The following AKR1A1 variants were observed in gnomAD, a reference collection of about 807,000 sequenced individuals.
The protein encoded by AKR1A1 is aldo-keto reductase family 1 member A1.
Under a neutral mutation model 39.2 loss-of-function variants are expected in AKR1A1, and 26 were observed. That is an observed-to-expected ratio of 0.66 (90% CI 0.49 to 0.92). AKR1A1 has a LOEUF of 0.92. Among genes scored for constraint, AKR1A1 ranks in the 40% least tolerant of loss-of-function variants. AKR1A1 has a pLI of 0.00. For missense variants in AKR1A1, 378 were observed against 406.5 expected (o/e 0.93, Z 0.60); for synonymous variants, 141 against 155.5 (o/e 0.91, Z 0.69).
In AKR1A1 at chr1:45,568,023, T is replaced by C. The variant is rs760458416; in HGVS notation, c.398T>C (p.Ile133Thr). Residue 133 changes from isoleucine to threonine, a missense_variant, in exon 5 of 9, where the codon ATA becomes ACA. Transcript: ENST00000351829. ...NPFPKNADGT[I>T]CYDSTHYKET... ...TTCCCCAAGAATGCTGATGGGACTATATGCTACGACTCCACCCACTACAAG... is the reference window on the plus strand; with the variant it reads ...TTCCCCAAGAATGCTGATGGGACTACATGCTACGACTCCACCCACTACAAG... The C allele has an allele frequency of 1.2e-6, 2 of 1,613,882 alleles. No homozygotes were observed. Among genetic ancestry groups the C allele is most frequent in the African/African-American group, 1.3e-5 (1 of 74,874 alleles).
At chr1:45,568,379 G>A in intron 5 of AKR1A1, 106 bp from the exon 6 acceptor site, 2 of 1,324,830 alleles carry the variant, frequency 1.5e-6, no homozygotes, top group Middle Eastern at 2.5e-4. Flanking sequence ...GGCTGAAGGG[G>A]AGTGGAGGAG....
chr1:45,561,117 C>G (rs944405942), intron 1 of AKR1A1, among the ~76,000 whole-genome samples: 33 of 152,264 alleles, frequency 2.2e-4, no homozygotes, highest in African/African-American at 7.5e-4. Context: ...GTTACCTGGT[C>G]TCTCTCTCAT....
chr1:45,553,358 G>T (rs1269715014), intron 1 of AKR1A1, among the ~76,000 whole-genome samples: 1 of 150,896 alleles, frequency 6.6e-6, no homozygotes, highest in Non-Finnish European at 1.5e-5. Context: ...GAAGGCGAAG[G>T]TTGTAGTGAG....
chr1:45,568,380 A>G, intron 5 of AKR1A1, 105 bp from the exon 6 acceptor site: 1 of 1,322,916 alleles, frequency 7.6e-7, no homozygotes, highest in Non-Finnish European at 1.1e-6. Flanking sequence ...GCTGAAGGGG[A>G]GTGGAGGAGT....
At chr1:45,568,417 CATGTCTGGG>C (rs957076657) in intron 5 of AKR1A1, 59 bp from the exon 6 acceptor site, 1 of 1,550,166 alleles carries the variant, frequency 6.5e-7, no homozygotes, top group African/African-American at 1.4e-5. Flanking sequence ...TCCAGACATG[CATGTCTGGG>C]ATGGGCCAAG....
intron 1 of AKR1A1, chr1:45,552,443 G>A (rs375029232): frequency 6.6e-6 from 1 of 152,080 alleles, no homozygotes; most frequent in Non-Finnish European, 1.5e-5. Flanking sequence ...CAGGTTTCAA[G>A]TGATCCTCCC....
chr1:45,562,046 G>C (rs1045378291), intron 2 of AKR1A1, among the ~76,000 whole-genome samples, 168 bp downstream of exon 2: 4 of 152,200 alleles, frequency 2.6e-5, no homozygotes, highest in Admixed American at 2.6e-4. Context: ...AGAGTGGGCT[G>C]AGGGGCCCAG....
chr1:45,556,273 T>C (rs981489344), intron 1 of AKR1A1, among the ~76,000 whole-genome samples: 1 of 152,140 alleles, frequency 6.6e-6, no homozygotes, highest in Non-Finnish European at 1.5e-5. Flanking sequence ...CATCTCTCTT[T>C]TACACTTGAA....
chr1:45,566,508 G>A, intron 2 of AKR1A1, 61 bp from the exon 3 acceptor site: 5 of 1,603,616 alleles, frequency 3.1e-6, no homozygotes, highest in Non-Finnish European at 2.6e-6. Context: ...TGACCTTGGG[G>A]TGGTGACAGT....
At chr1:45,554,259 T>G (rs1644171502) in intron 1 of AKR1A1, among the ~76,000 whole-genome samples, 3 of 152,112 alleles carry the variant, frequency 2.0e-5, no homozygotes, top group Admixed American at 2.0e-4. Context: ...AAACCCTGTC[T>G]CTACGAAAAA....
At chr1:45,562,032 T>C (rs1347703098) in intron 2 of AKR1A1, among the ~76,000 whole-genome samples, 154 bp downstream of exon 2, 1 of 152,160 alleles carries the variant, frequency 6.6e-6, no homozygotes, top group African/African-American at 2.4e-5. Flanking sequence ...CCCAGCTGAC[T>C]CAGAGAGTGG....
intron 3 of AKR1A1, 36 bp downstream of exon 3, chr1:45,566,724 A>G (rs780686917): frequency 6.2e-7 from 1 of 1,610,798 alleles, no homozygotes; most frequent in Non-Finnish European, 8.5e-7. Context: ...GTGGGATAAG[A>G]GAACTTAGAA....
At chr1:45,565,561 C>T (rs1241522146) in intron 2 of AKR1A1, among the ~76,000 whole-genome samples, 2 of 152,088 alleles carry the variant, frequency 1.3e-5, no homozygotes, top group South Asian at 2.1e-4. Flanking sequence ...GCAGCCTCCC[C>T]CGCCTGGGTT....
chr1:45,568,095 A>C lies in AKR1A1; in HGVS notation c.470A>C (p.Gln157Pro), dbSNP rs1322267276. The C allele has an allele frequency of 6.2e-7, 1 of 1,614,144 alleles. No individual in the cohort carries two copies. The highest frequency in any genetic ancestry group is 1.7e-5 in the Admixed American group (1 of 60,006). The change falls in exon 5 of 9, where the codon CAG becomes CCG. Residue 157 changes from glutamine to proline, a missense_variant. Coordinates refer to ENST00000351829, the MANE Select transcript of AKR1A1 (RefSeq NM_153326.3). ...LEALVAKGLV[Q>P]ALGLSNFNSR... ...GCACTGGTGGCTAAGGGGCTGGTGC[A>C]GGCGCTGGGCCTGTCCAACTTCAAC...
At chr1:45,555,060 T>C (rs980171785) in intron 1 of AKR1A1, among the ~76,000 whole-genome samples, 4 of 152,212 alleles carry the variant, frequency 2.6e-5, no homozygotes, top group South Asian at 2.1e-4. Flanking sequence ...TTAACACTTG[T>C]TATCCAGGGC....
chr1:45,558,101 G>A (rs927697673), intron 1 of AKR1A1, among the ~76,000 whole-genome samples: 1 of 151,800 alleles, frequency 6.6e-6, no homozygotes, highest in Non-Finnish European at 1.5e-5. Context: ...TAGAGAGGGG[G>A]TTTCGCCTTG....
In AKR1A1 at chr1:45,570,031, A is replaced by G. The variant is rs748123712; in HGVS notation, c.*75A>G. Reference sequence around the variant, plus strand: ...GCCACAACGGAAAGAGGGAGTTAATAAAGCCATTGGAGCATCCATATTGCT... The same window carrying G: ...GCCACAACGGAAAGAGGGAGTTAATGAAGCCATTGGAGCATCCATATTGCT... On this transcript the variant is annotated 3_prime_UTR_variant, in exon 9 of 9. Coordinates refer to ENST00000351829, the MANE Select transcript of AKR1A1 (RefSeq NM_153326.3). 1.6e-4 allele frequency: 226 copies of G among 1,427,228 alleles called. No homozygotes were observed. Among genetic ancestry groups the G allele is most frequent in the Non-Finnish European group, 2.1e-4 (213 of 1,010,534 alleles). The allele number at this position is 1,427,228 out of a possible 1,614,324, so 88.4% of individuals were successfully genotyped here.
chr1:45,557,497 G>C (rs1644220141), intron 1 of AKR1A1, among the ~76,000 whole-genome samples: 1 of 152,202 alleles, frequency 6.6e-6, no homozygotes, highest in East Asian at 1.9e-4. Flanking sequence ...ACCAGCAAAA[G>C]AAAGGGAGAA....
chr1:45,559,592 C>T (rs2148295167), intron 1 of AKR1A1, among the ~76,000 whole-genome samples: 1 of 151,278 alleles, frequency 6.6e-6, no homozygotes, highest in South Asian at 2.1e-4. Flanking sequence ...ATTAGCTCCT[C>T]CTTAGATCCT....
Sources: gnomAD v4.1 joint callset for allele counts (sites outside exome capture counted in the v4.1 genomes callset) on GRCh38, gnomAD v4.1.1 for gene constraint, MANE v1.5 for transcripts, NCBI Gene and HGNC (gene_info 2026-07-23, HGNC 2026-07-21) for gene names.